Variants in FBXO41 observed in about 807,000 individuals in gnomAD.
FBXO41 encodes the protein F-box only protein 41.
FBXO41 carries 33 observed loss-of-function variants against 81.6 expected under a neutral mutation model. The ratio of observed to expected loss-of-function variants is 0.40; its 90% CI spans 0.31 to 0.54. FBXO41 has a LOEUF of 0.54. FBXO41 is among the 20% of genes least tolerant of loss of function. The pLI, the probability that FBXO41 is intolerant of heterozygous loss-of-function variation, is 0.39. For synonymous variants in FBXO41, 576 were observed against 552.7 expected, an observed-to-expected ratio of 1.04 and a Z score of -0.59; for missense variants, 1,107 against 1,236.0, an observed-to-expected ratio of 0.90 and a Z score of 1.56.
At chr2:73,279,631 C>G (rs754804298) in intron 1 of FBXO41, among the ~76,000 whole-genome samples, 3 of 152,122 alleles carry the variant, frequency 2.0e-5, no homozygotes, top group Non-Finnish European at 4.4e-5. Context: ...GAAGGGCCCA[C>G]TGGGGACTTT....
chr2:73,269,250 C>T lies in FBXO41; in HGVS notation c.381G>A (p.Leu127=). The change falls in exon 2 of 13, where the codon CTG becomes CTA. Residue 127 remains leucine (L), a synonymous_variant. Transcript: ENST00000520530. This position sits in a 1 kb window ranked among gnomAD's most constrained non-coding sequence, Gnocchi z 7.0. ...CCGGCTCGGCCAACTCCTCACAGGG[C>T]AGGCTAGCGGGCACCAGGTCGCCGG... ...HFPGDLVPAS[L]PCEELAEPGL... The T allele has an allele frequency of 6.5e-7, 1 of 1,530,896 alleles. No homozygotes were observed. The highest frequency in any genetic ancestry group is 8.8e-7 in the Non-Finnish European group (1 of 1,139,476). The allele number at this position is 1,530,896 out of a possible 1,614,324, so 94.8% of individuals were successfully genotyped here. A position where few individuals can be genotyped will look rare whatever the true frequency, so the allele number is the denominator to read the frequency against.
chr2:73,268,949 G>C lies in FBXO41; in HGVS notation c.682C>G (p.Gln228Glu), dbSNP rs1218868112. 1.4e-5 allele frequency: 22 copies of C among 1,539,476 alleles called. No individual in the cohort carries two copies. The Admixed American group carries it at 3.3e-4, about 23-fold the overall frequency. Residue 228 changes from glutamine to glutamate, a missense_variant, in exon 2 of 13, where the codon CAG becomes GAG. Gln to Glu is a conservative substitution (Grantham distance 29). This residue lies in a region of FBXO41 where 771 missense variants were observed against 789.2 expected (regional missense o/e 0.98). Transcript: ENST00000520530. ...CGGCCCACCTGGCCCGCGATCTTCT[G>C]CTCCACCTCCTCGCTCAGCCGCTCC... ...RLERLSEEVE[Q>E]KIAGQVGRLQ...
Position 73,263,183 on chromosome 2 carries a change from C to G in FBXO41, c.2171+30G>C, listed in dbSNP as rs1262930208. ...CAGACCAGGCCCAACCGTGTCCCCC[C>G]TCCTATCCCCCAAACCTGCCAGGGC... On this transcript the variant is annotated intron_variant, in intron 9 of 12. Transcript: ENST00000520530. 5 of 1,541,746 alleles carry G rather than the reference C, an allele frequency of 3.2e-6. No homozygotes were observed. The South Asian group carries it at 3.6e-5, about 11-fold the overall frequency.
Position 73,260,851 on chromosome 2 carries a change from G to T in FBXO41, c.2179C>A (p.Pro727Thr). The T allele has an allele frequency of 6.4e-7, 1 of 1,558,434 alleles. No individual in the cohort carries two copies. Among genetic ancestry groups the T allele is most frequent in the Non-Finnish European group, 8.7e-7 (1 of 1,149,944 alleles). ...QVAPLHPCQQ[P>T]TRFSNRCLQM... is the part of the protein sequence containing the mutation. ...AGGCAGCGGTTACTGAAGCGTGTGGGCTGCTGGCTGGAGAATGGGAAGGGG... is the reference window on the plus strand; with the variant it reads ...AGGCAGCGGTTACTGAAGCGTGTGGTCTGCTGGCTGGAGAATGGGAAGGGG... The change falls in exon 10 of 13, where the codon CCC becomes ACC. Residue 727 changes from proline (P) to threonine (T), a missense_variant. Physicochemically the swap from Pro to Thr is conservative, Grantham distance 38. Around this residue, in one of 2 missense-constraint regions of FBXO41, gnomAD observed 336 missense variants for 446.7 expected, o/e 0.75. Coordinates refer to ENST00000520530, the MANE Select transcript of FBXO41 (RefSeq NM_001371389.2). This position sits in a 1 kb window ranked among gnomAD's most constrained non-coding sequence, Gnocchi z 5.0.
intron 5 of FBXO41, 61 bp downstream of exon 5, chr2:73,265,221 G>T (rs1688199999): frequency 1.4e-6 from 2 of 1,457,986 alleles, no homozygotes; most frequent in East Asian, 2.4e-5. Context: ...GGGGGGTGCA[G>T]GAGCCCAGGA....
In FBXO41 at chr2:73,260,530, G is replaced by C; in HGVS notation, c.2308C>G (p.Leu770Val). ...LASLARNCMR[L>V]QVLELDHVSE... The stretch of plus-strand genomic sequence containing the variant: ...ACGTGGTCAAGCTCCAGGACCTGCA[G>C]CCGCATGCAGTTTCTCGCTAGGAAG... The change falls in exon 11 of 13, where the codon CTG (leucine) becomes GTG (valine). Residue 770 changes from leucine (L) to valine (V), a missense_variant. Around this residue, in one of 2 missense-constraint regions of FBXO41, gnomAD observed 336 missense variants for 446.7 expected, o/e 0.75. Coordinates refer to ENST00000520530, the MANE Select transcript of FBXO41 (RefSeq NM_001371389.2). The surrounding 1 kb of genome is among the most constrained non-coding windows in gnomAD (Gnocchi z 5.0). 1.9e-6 allele frequency: 3 copies of C among 1,595,816 alleles called. No homozygotes were observed. Among genetic ancestry groups the C allele is most frequent in the Non-Finnish European group, 2.6e-6 (3 of 1,171,274 alleles).
chr2:73,269,899 C>T lies in FBXO41; in HGVS notation c.-138-131G>A, dbSNP rs1398567720. 1.1e-5 allele frequency: 2 copies of T among 178,552 alleles called. No homozygotes were observed. Among genetic ancestry groups the T allele is most frequent in the Non-Finnish European group, 2.3e-5 (2 of 85,820 alleles). The allele number at this position is 178,552 out of a possible 1,614,324, so 11.1% of individuals were successfully genotyped here. On this transcript the variant is annotated intron_variant, in intron 1 of 12. Transcript: ENST00000520530. The surrounding 1 kb of genome is among the most constrained non-coding windows in gnomAD (Gnocchi z 7.0). Reference sequence around the variant, plus strand: ...GCAAGGGGAGACCTCCCAGAGGAGGCTGGCCTGCTCTGGCACCTGTGCGAG... The same window carrying T: ...GCAAGGGGAGACCTCCCAGAGGAGGTTGGCCTGCTCTGGCACCTGTGCGAG...
chr2:73,264,314 T>C lies in FBXO41; in HGVS notation c.1770A>G (p.Thr590=). 6.2e-7 allele frequency: 1 copy of C among 1,613,572 alleles called. No homozygotes were observed. ...CACGGGCATTCTCAAGCAGCACCCT[T>C]GTCCAGACTGCGGGGTGGCGGGCCA... ...RFVARHPAVW[T]RVLLENARVC... is the part of the protein sequence containing the mutation. The change falls in exon 6 of 13, where the codon ACA becomes ACG. Residue 590 remains threonine (T), a synonymous_variant. Coordinates refer to ENST00000520530, the MANE Select transcript of FBXO41 (RefSeq NM_001371389.2).
Position 73,258,467 on chromosome 2 carries a change from C to T in FBXO41, c.*515G>A, listed in dbSNP as rs1464211315. 6.5e-6 allele frequency: 1 copy of T among 152,922 alleles called. No individual in the cohort carries two copies. The highest frequency in any genetic ancestry group is 6.5e-5 in the Admixed American group (1 of 15,310). The allele number at this position is 152,922 out of a possible 1,614,324, so 9.5% of individuals were successfully genotyped here. A position where few individuals can be genotyped will look rare whatever the true frequency, so the allele number is the denominator to read the frequency against. ...GTGGTACCCCCAGGAAATGTGGATC[C>T]ACAGCCTGGGCAGGCTGTCTGAAGG... On this transcript the variant is annotated 3_prime_UTR_variant, in exon 13 of 13. Coordinates refer to ENST00000520530, the MANE Select transcript of FBXO41 (RefSeq NM_001371389.2).
chr2:73,276,467 T>C (rs1427982416), intron 1 of FBXO41, among the ~76,000 whole-genome samples: 1 of 151,702 alleles, frequency 6.6e-6, no homozygotes, highest in Admixed American at 6.6e-5. Flanking sequence ...CCTTTAGGTA[T>C]ATTAAAACCC....
intron 1 of FBXO41, among the ~76,000 whole-genome samples, chr2:73,279,664 C>T (rs1285771415): frequency 6.6e-6 from 1 of 152,122 alleles, no homozygotes; most frequent in Non-Finnish European, 1.5e-5. Flanking sequence ...TTTGATGGGC[C>T]TGGCTGATGT....
intron 8 of FBXO41, 82 bp downstream of exon 8, chr2:73,263,596 G>T: frequency 6.5e-7 from 1 of 1,548,020 alleles, no homozygotes; most frequent in Non-Finnish European, 8.8e-7. Flanking sequence ...GAGAACCCTG[G>T]GGGAGGCTAT....
rs141853604 is a variant in FBXO41, at chr2:73,271,940, T to C, written c.-138-2172A>G. On this transcript the variant is annotated intron_variant, in intron 1 of 12. Coordinates refer to ENST00000520530, the MANE Select transcript of FBXO41 (RefSeq NM_001371389.2). ...CACTGCACCTAGCCCCTATTTCCCT[T>C]TTTTGCTTAAGCTAGTTACAGTTGG... 3.3e-5 allele frequency among the ~76,000 whole-genome samples: 5 copies of C among 152,286 alleles called. No individual in the cohort carries two copies. The East Asian group carries it at 5.8e-4, about 18-fold the overall frequency.
Position 73,258,895 on chromosome 2 carries a change from G to A in FBXO41, c.*87C>T, listed in dbSNP as rs1687908838. 1 of 1,384,054 alleles carries A rather than the reference G, an allele frequency of 7.2e-7. No homozygotes were observed. The highest frequency in any genetic ancestry group is 9.7e-7 in the Non-Finnish European group (1 of 1,030,966). 85.7% of individuals were successfully genotyped at this position (1,384,054 alleles called of 1,614,324 possible). On this transcript the variant is annotated 3_prime_UTR_variant, in exon 13 of 13. Transcript: ENST00000520530. ...CCAGGGATAACACTCGGCCTCCAAA[G>A]GTCTAGTCCAAACCAGGGTCCCTCT...
At chr2:73,275,121 C>A (rs1048779592) in intron 1 of FBXO41, among the ~76,000 whole-genome samples, 1 of 151,080 alleles carries the variant, frequency 6.6e-6, no homozygotes, top group Non-Finnish European at 1.5e-5. Flanking sequence ...GATCTCCTGA[C>A]CTCGTGATCT....
intron 1 of FBXO41, among the ~76,000 whole-genome samples, chr2:73,274,445 G>A (rs1310353789): frequency 6.6e-6 from 1 of 152,048 alleles, no homozygotes; most frequent in African/African-American, 2.4e-5. Context: ...TGTGTTGATT[G>A]GCTTTTACTT....
intron 1 of FBXO41, among the ~76,000 whole-genome samples, chr2:73,283,138 G>A (rs957050962): frequency 6.6e-6 from 1 of 152,206 alleles, no homozygotes; most frequent in African/African-American, 2.4e-5. Context: ...AAGGATGGGG[G>A]AGGCAGCCGG....
Position 73,259,106 on chromosome 2 carries a change from C to T in FBXO41, c.2566-62G>A. ...CCAGGCAGGTGGGGCCCTCCTGCCA[C>T]ACTCACCCAGGTCACCAGCCCCAGT... On this transcript the variant is annotated intron_variant, in intron 12 of 12. Coordinates refer to ENST00000520530, the MANE Select transcript of FBXO41 (RefSeq NM_001371389.2). The surrounding 1 kb of genome is among the most constrained non-coding windows in gnomAD (Gnocchi z 4.2). 3 of 1,608,636 alleles carry T rather than the reference C, an allele frequency of 1.9e-6. No individual in the cohort carries two copies. The highest frequency in any genetic ancestry group is 2.6e-6 in the Non-Finnish European group (3 of 1,176,070).
intron 5 of FBXO41, 28 bp downstream of exon 5, chr2:73,265,254 T>C: frequency 6.4e-7 from 1 of 1,560,954 alleles, no homozygotes; most frequent in Non-Finnish European, 8.6e-7. Context: ...CAGACCTGTG[T>C]CCCCCTGCCC....
Sources: allele counts gnomAD v4.1 joint callset (sites outside exome capture counted in the v4.1 genomes callset), GRCh38; gene constraint gnomAD v4.1.1; regional missense constraint gnomAD v4.1.1; non-coding constraint Gnocchi (gnomAD v3.1); transcripts MANE v1.5; gene names NCBI Gene and HGNC (gene_info 2026-07-23, HGNC 2026-07-21).